The following RAPGEF1 variants were observed in gnomAD, a reference collection of about 807,000 sequenced individuals.
RAPGEF1 encodes Rap guanine nucleotide exchange factor 1.
RAPGEF1 carries 33 observed loss-of-function variants against 143.3 expected under a neutral mutation model. That is an observed-to-expected ratio of 0.23 (90% CI 0.17 to 0.31). The LOEUF (loss-of-function observed/expected upper bound fraction) is 0.31, where lower values mean the gene tolerates loss of function less well. RAPGEF1 is among the 10% of genes least tolerant of loss of function. The pLI is 1.00. For missense variants in RAPGEF1, 1,199 were observed against 1,645.4 expected (o/e 0.73, Z 4.69); for synonymous variants, 629 against 676.5 (o/e 0.93, Z 1.09).
intron 25 of RAPGEF1, among the ~76,000 whole-genome samples, chr9:131,581,931 ACC>A (rs905172551): frequency 2.6e-5 from 4 of 151,948 alleles, no homozygotes; most frequent in African/African-American, 9.7e-5. Context: ...CCCTGCAGTA[ACC>A]CTATAGGATG....
At chr9:131,685,791 C>T (rs1833297742) in intron 1 of RAPGEF1, among the ~76,000 whole-genome samples, 1 of 152,172 alleles carries the variant, frequency 6.6e-6, no homozygotes, top group African/African-American at 2.4e-5. Context: ...TAGGGTCTCC[C>T]CGACCTAGCT....
chr9:131,733,638 C>T (rs375168772), intron 1 of RAPGEF1, among the ~76,000 whole-genome samples: 2 of 152,226 alleles, frequency 1.3e-5, no homozygotes, highest in East Asian at 1.9e-4. Context: ...TGGGGCAAGA[C>T]GGGTGACGAG....
intron 15 of RAPGEF1, among the ~76,000 whole-genome samples, chr9:131,599,954 C>T (rs1240768661): frequency 1.3e-5 from 2 of 152,106 alleles, no homozygotes; most frequent in Non-Finnish European, 2.9e-5. Flanking sequence ...CCTGTCTCTA[C>T]TAAAAATACA....
At chr9:131,737,357 C>T in intron 1 of RAPGEF1, 1 of 1,612,906 alleles carries the variant, frequency 6.2e-7, no homozygotes, top group Non-Finnish European at 8.5e-7. Context: ...AAACACTGTC[C>T]CCTCCAGTGT....
At chr9:131,588,332 C>T (rs1328889508) in intron 20 of RAPGEF1, among the ~76,000 whole-genome samples, 8 of 152,334 alleles carry the variant, frequency 5.3e-5, no homozygotes, top group South Asian at 2.1e-4. Context: ...GGCTCGCTCA[C>T]GGCTGGAGCC....
intron 12 of RAPGEF1, among the ~76,000 whole-genome samples, chr9:131,611,828 C>A (rs529824333): frequency 6.6e-6 from 1 of 152,274 alleles, no homozygotes; most frequent in East Asian, 1.9e-4. Flanking sequence ...TTTGACCCAG[C>A]CTTACGAGAT....
intron 12 of RAPGEF1, among the ~76,000 whole-genome samples, chr9:131,611,833 C>A (rs548508527): frequency 1.3e-5 from 2 of 152,168 alleles, no homozygotes; most frequent in Non-Finnish European, 2.9e-5. Flanking sequence ...CCCAGCCTTA[C>A]GAGATCTCAA....
intron 1 of RAPGEF1, among the ~76,000 whole-genome samples, chr9:131,739,205 C>A (rs977823161): frequency 6.6e-6 from 1 of 152,212 alleles, no homozygotes; most frequent in Non-Finnish European, 1.5e-5. Context: ...ACCCACCGGT[C>A]CCCCACCTGC....
At chr9:131,711,580 ACTC>A (rs1346160402) in intron 1 of RAPGEF1, among the ~76,000 whole-genome samples, 5 of 151,528 alleles carry the variant, frequency 3.3e-5, no homozygotes, top group Admixed American at 2.0e-4. Flanking sequence ...CTGGTCTCAA[ACTC>A]CTCACCTCAA....
chr9:131,658,006 C>T lies in RAPGEF1; in HGVS notation c.62-7057G>A, dbSNP rs1329687651. 2.6e-5 allele frequency among the ~76,000 whole-genome samples: 4 copies of T among 152,288 alleles called. No individual in the cohort carries two copies. The East Asian group carries it at 7.7e-4, about 29-fold the overall frequency. On this transcript the variant is annotated intron_variant, in intron 1 of 26. Transcript: ENST00000683357. The stretch of plus-strand genomic sequence containing the variant: ...ATTTCGTTTTCAATGCTGAGAAATT[C>T]CGTAGATTCCATAATCCCAGCTTTA...
chr9:131,649,810 A>G (rs1970626495), intron 3 of RAPGEF1, among the ~76,000 whole-genome samples: 1 of 152,174 alleles, frequency 6.6e-6, no homozygotes, highest in Admixed American at 6.5e-5. Flanking sequence ...TAGCAATTCA[A>G]GGAACAGCTG....
At chr9:131,662,053 C>T (rs1009668073) in intron 1 of RAPGEF1, among the ~76,000 whole-genome samples, 1 of 152,164 alleles carries the variant, frequency 6.6e-6, no homozygotes, top group African/African-American at 2.4e-5. Flanking sequence ...TCATGAGGCT[C>T]GCCTAAGAAT....
chr9:131,657,278 G>A (rs1263044344), intron 1 of RAPGEF1, among the ~76,000 whole-genome samples: 1 of 152,160 alleles, frequency 6.6e-6, no homozygotes, highest in Non-Finnish European at 1.5e-5. Flanking sequence ...CACTCTCCCT[G>A]CCCCTTTCTC....
chr9:131,668,000 T>C lies in RAPGEF1; in HGVS notation c.62-17051A>G, dbSNP rs4740299. Among the ~76,000 whole-genome samples, 5,439 of 152,288 alleles carry C rather than the reference T, an allele frequency of 0.036. 212 individuals carry two copies. Among genetic ancestry groups the C allele is most frequent in the East Asian group, 0.089 (460 of 5,184 alleles). ...CCTTTTTGGGATAAATGCCACCATC[T>C]TCAGTGGACAGCTGTTATTTCTTAA... On this transcript the variant is annotated intron_variant, in intron 1 of 26. Coordinates refer to ENST00000683357, the MANE Select transcript of RAPGEF1 (RefSeq NM_001377935.1). The surrounding 1 kb of genome is among the most constrained non-coding windows in gnomAD (Gnocchi z 4.6).
At chr9:131,619,632 G>A (rs1399209560) in intron 11 of RAPGEF1, among the ~76,000 whole-genome samples, 1 of 152,158 alleles carries the variant, frequency 6.6e-6, no homozygotes, top group African/African-American at 2.4e-5. Flanking sequence ...TTTGGCCTTG[G>A]GCACTACTTA....
intron 1 of RAPGEF1, among the ~76,000 whole-genome samples, chr9:131,671,832 TTGA>T (rs1200679479): frequency 6.6e-6 from 1 of 152,174 alleles, no homozygotes; most frequent in Non-Finnish European, 1.5e-5. Flanking sequence ...ACTCCCAATG[TTGA>T]TGTTTACGAT....
rs182620258 is a variant in RAPGEF1, at chr9:131,605,221, G to A, written c.2062-33C>T. ...ATCCAGGTGGAGAACAAACAAAAAC[G>A]AGAATACAAGAAGAAAAGAGAAAAA... On this transcript the variant is annotated intron_variant, in intron 12 of 26. Transcript: ENST00000683357. 2.9e-4 allele frequency: 361 copies of A among 1,259,420 alleles called. 1 individual carries two copies. The highest frequency in any genetic ancestry group is 3.6e-4 in the Non-Finnish European group (343 of 963,856). 78.0% of individuals were successfully genotyped at this position (1,259,420 alleles called of 1,614,324 possible).
At chr9:131,723,509 G>A (rs778125264) in intron 1 of RAPGEF1, among the ~76,000 whole-genome samples, 1 of 152,150 alleles carries the variant, frequency 6.6e-6, no homozygotes, top group Admixed American at 6.6e-5. Context: ...GGCACCTCAC[G>A]GTCTAGTGGA....
intron 12 of RAPGEF1, among the ~76,000 whole-genome samples, chr9:131,614,432 T>A (rs531107054): frequency 6.6e-6 from 1 of 152,360 alleles, no homozygotes; most frequent in Admixed American, 6.5e-5. Flanking sequence ...TCTCTCTCTA[T>A]CTCTCCCCTT....
Sources: allele counts gnomAD v4.1 joint callset (sites outside exome capture counted in the v4.1 genomes callset), GRCh38; gene constraint gnomAD v4.1.1; non-coding constraint Gnocchi (gnomAD v3.1); transcripts MANE v1.5; gene names NCBI Gene and HGNC (gene_info 2026-07-23, HGNC 2026-07-21).